JAK2: variants seen among roughly 807,000 people sequenced by gnomAD.
The protein encoded by JAK2 is Janus kinase 2.
Under a neutral mutation model 139.3 loss-of-function variants are expected in JAK2, and 86 were observed. That is an observed-to-expected ratio of 0.62 (90% CI 0.52 to 0.74). JAK2 has a LOEUF of 0.74. Ranked by LOEUF, JAK2 falls within the 30% of genes least tolerant of loss-of-function variation. The probability of loss-of-function intolerance (pLI) is 0.00; values close to 1 mark genes in which losing one functional copy is unlikely to be tolerated. For synonymous variants in JAK2, 490 were observed against 437.7 expected (o/e 1.12, Z -1.49); for missense variants, 1,421 against 1,360.3 (o/e 1.04, Z -0.70).
chr9:5,048,369 C>A (rs1302479038), intron 5 of JAK2, among the ~76,000 whole-genome samples: 1 of 152,124 alleles, frequency 6.6e-6, no homozygotes, highest in Non-Finnish European at 1.5e-5. Context: ...TCTCGAACTC[C>A]TGACCTTGTC....
intron 22 of JAK2, among the ~76,000 whole-genome samples, chr9:5,102,499 C>T (rs1350233326): frequency 1.3e-5 from 2 of 152,270 alleles, no homozygotes; most frequent in East Asian, 1.9e-4. Flanking sequence ...CTTCCCCGAC[C>T]TACCAAGGCA....
intron 19 of JAK2, 28 bp downstream of exon 19, chr9:5,081,889 A>G: frequency 6.4e-7 from 1 of 1,569,022 alleles, no homozygotes; most frequent in Non-Finnish European, 8.7e-7. Flanking sequence ...TTTCAAATAG[A>G]GTATAATCAT....
At chr9:5,036,961 C>T (rs1387697257) in intron 4 of JAK2, among the ~76,000 whole-genome samples, 1 of 152,202 alleles carries the variant, frequency 6.6e-6, no homozygotes, top group Admixed American at 6.5e-5. Context: ...GTAATCTACT[C>T]ATCTGATAAA....
chr9:5,124,526 A>G (rs940592697), intron 23 of JAK2, among the ~76,000 whole-genome samples: 7 of 151,746 alleles, frequency 4.6e-5, no homozygotes, highest in African/African-American at 1.7e-4. Context: ...CAAAATACCA[A>G]TGTCATTTGT....
intron 19 of JAK2, among the ~76,000 whole-genome samples, chr9:5,088,497 T>G (rs1024037061): frequency 2.6e-5 from 4 of 152,084 alleles, no homozygotes; most frequent in Admixed American, 1.3e-4. Flanking sequence ...TCTATGTACT[T>G]AATGAGTTTT....
chr9:5,039,246 A>T (rs947140369), intron 4 of JAK2, among the ~76,000 whole-genome samples: 4 of 152,146 alleles, frequency 2.6e-5, no homozygotes, highest in African/African-American at 9.7e-5. Context: ...CATGGGTTTC[A>T]CATCCATGGA....
chr9:5,067,801 G>A (rs539590769), intron 10 of JAK2, among the ~76,000 whole-genome samples: 4 of 152,054 alleles, frequency 2.6e-5, no homozygotes, highest in Admixed American at 1.3e-4. Context: ...ATTCTAAATC[G>A]AACATTGTAA....
rs536111294 is a variant in JAK2 at position 5,086,106 on chromosome 9, G to A, written c.2572-3568G>A. ...AAGTCCCTTCTGCCTATGAGCCTGC[G>A]CGGGCATCGGCAGCGGCGCGCGGCC... On this transcript the variant is annotated intron_variant, in intron 19 of 24. Coordinates refer to ENST00000381652, the MANE Select transcript of JAK2 (RefSeq NM_004972.4). The A allele has an allele frequency of 3.0e-4, 149 of 488,658 alleles. 1 individual carries two copies. Among genetic ancestry groups the A allele is most frequent in the South Asian group, 2.8e-3 (124 of 43,632 alleles). The allele number at this position is 488,658 out of a possible 1,614,324, so 30.3% of individuals were successfully genotyped here.
At chr9:4,989,287 A>G (rs1820120642) in intron 2 of JAK2, among the ~76,000 whole-genome samples, 1 of 152,098 alleles carries the variant, frequency 6.6e-6, no homozygotes, top group African/African-American at 2.4e-5. Context: ...CATGTTCTCC[A>G]TCCCTCTTTT....
intron 19 of JAK2, among the ~76,000 whole-genome samples, chr9:5,084,785 T>A (rs1425029516): frequency 6.6e-6 from 1 of 152,222 alleles, no homozygotes; most frequent in Non-Finnish European, 1.5e-5. Flanking sequence ...TCAATTAGAA[T>A]TTATAGGACT....
intron 2 of JAK2, among the ~76,000 whole-genome samples, chr9:5,003,431 C>G (rs951078943): frequency 1.3e-5 from 2 of 151,946 alleles, no homozygotes; most frequent in African/African-American, 4.8e-5. Context: ...ACAGTTTTTA[C>G]AGATATTTCC....
intron 22 of JAK2, chr9:5,114,436 G>A (rs1822953951): frequency 2.1e-6 from 1 of 487,590 alleles, no homozygotes; most frequent in Non-Finnish European, 4.1e-6. Flanking sequence ...TACCAGTGCA[G>A]GGTGACCCAC....
chr9:5,042,830 C>G (rs1346349813), intron 4 of JAK2, among the ~76,000 whole-genome samples: 3 of 152,202 alleles, frequency 2.0e-5, no homozygotes, highest in Admixed American at 1.3e-4. Context: ...AAGCCAGCCC[C>G]GCAACCAAAA....
At position 5,054,461 on chromosome 9, in the gene JAK2, A is replaced by G. The variant is rs147425422; in HGVS notation, c.615-102A>G. ...ACTTGGCCACTGTGTTGTAAGGCCT[A>G]CTTAATCATGGAAAAAGGTGGTAAC... On this transcript the variant is annotated intron_variant, in intron 6 of 24. Coordinates refer to ENST00000381652, the MANE Select transcript of JAK2 (RefSeq NM_004972.4). The surrounding 1 kb of genome is among the most constrained non-coding windows in gnomAD (Gnocchi z 4.9). 1.7e-4 allele frequency: 163 copies of G among 948,428 alleles called. No homozygotes were observed. The African/African-American group carries it at 2.5e-3, about 15-fold the overall frequency. 58.8% of individuals were successfully genotyped at this position (948,428 alleles called of 1,614,324 possible). A position where few individuals can be genotyped will look rare whatever the true frequency, so the allele number is the denominator to read the frequency against.
chr9:5,087,823 C>A (rs1442533123), intron 19 of JAK2, among the ~76,000 whole-genome samples: 1 of 152,104 alleles, frequency 6.6e-6, no homozygotes, highest in East Asian at 1.9e-4. Flanking sequence ...GAGATGTACA[C>A]AAATATTTAT....
chr9:5,010,948 C>T (rs527677405), intron 2 of JAK2, among the ~76,000 whole-genome samples: 8 of 152,316 alleles, frequency 5.3e-5, no homozygotes, highest in African/African-American at 1.9e-4. Flanking sequence ...CTCTCCCTAC[C>T]AGTACTTTGT....
chr9:5,055,860 T>A, intron 8 of JAK2, 72 bp downstream of exon 8: 1 of 1,339,166 alleles, frequency 7.5e-7, no homozygotes, highest in Non-Finnish European at 1.0e-6. Flanking sequence ...AGAATCTTAG[T>A]ACCAAAATTA....
At chr9:5,082,512 C>T (rs1819776952) in intron 19 of JAK2, among the ~76,000 whole-genome samples, 2 of 152,232 alleles carry the variant, frequency 1.3e-5, no homozygotes, top group South Asian at 4.1e-4. Context: ...TATACCGAGG[C>T]ATTCAGTTCC....
Position 5,121,016 on chromosome 9 carries a change from G to A in JAK2, c.3060-1988G>A, listed in dbSNP as rs540010799. On this transcript the variant is annotated intron_variant, in intron 22 of 24. Coordinates refer to ENST00000381652, the MANE Select transcript of JAK2 (RefSeq NM_004972.4). ...ATTTGGGAGACTTTAGTATATAGGT[G>A]GATGATACTATCTAAGGGAAAGTTT... Among the ~76,000 whole-genome samples, 45 of 152,184 alleles carry A rather than the reference G, an allele frequency of 3.0e-4. 1 individual carries two copies. The South Asian group carries it at 7.7e-3, about 26-fold the overall frequency.
Sources: gnomAD v4.1 joint callset for allele counts (sites outside exome capture counted in the v4.1 genomes callset) on GRCh38, gnomAD v4.1.1 for gene constraint, Gnocchi (gnomAD v3.1) non-coding constraint, MANE v1.5 for transcripts, NCBI Gene and HGNC (gene_info 2026-07-23, HGNC 2026-07-21) for gene names.